C20orf96: variants seen among roughly 807,000 people sequenced by gnomAD.
C20orf96 encodes chromosome 20 open reading frame 96.
In C20orf96, 57 loss-of-function variants were observed where a neutral mutation model predicts 52.6. The ratio of observed to expected loss-of-function variants is 1.08; its 90% confidence interval spans 0.88 to 1.35. The LOEUF (loss-of-function observed/expected upper bound fraction) is 1.35, where lower values mean the gene tolerates loss of function less well. C20orf96 is among the 40% of genes most tolerant of loss of function. The probability of loss-of-function intolerance (pLI) is 0.00; values close to 1 mark genes in which losing one functional copy is unlikely to be tolerated. For synonymous variants in C20orf96, 168 were observed against 157.2 expected (o/e 1.07, Z -0.51); for missense variants, 478 against 443.6 (o/e 1.08, Z -0.70).
At chr20:277,652 C>A (rs766508128) in intron 6 of C20orf96, among the ~76,000 whole-genome samples, 14 of 152,178 alleles carry the variant, frequency 9.2e-5, no homozygotes, top group African/African-American at 3.4e-4. Flanking sequence ...ACTGACTTGC[C>A]GGGTGGCTCT....
At chr20:273,728 T>G (rs902332563) in intron 10 of C20orf96, among the ~76,000 whole-genome samples, 1 of 151,570 alleles carries the variant, frequency 6.6e-6, no homozygotes, top group African/African-American at 2.4e-5. Flanking sequence ...AACATAAAAA[T>G]TAGCCAGGCA....
intron 4 of C20orf96, among the ~76,000 whole-genome samples, chr20:282,671 G>A (rs758736227): frequency 6.6e-6 from 1 of 152,194 alleles, no homozygotes; most frequent in Non-Finnish European, 1.5e-5. Flanking sequence ...AGGAGTTGGA[G>A]ACCAGCCTGG....
intron 10 of C20orf96, among the ~76,000 whole-genome samples, chr20:271,885 G>A (rs2011852227): frequency 6.6e-6 from 1 of 152,140 alleles, no homozygotes; most frequent in Non-Finnish European, 1.5e-5. Flanking sequence ...AAGAGAGATG[G>A]ATTCCCATCA....
In C20orf96 at chr20:289,597, T is replaced by A; in HGVS notation, c.149A>T (p.His50Leu). 6.2e-7 allele frequency: 1 copy of A among 1,614,132 alleles called. No individual in the cohort carries two copies. The highest frequency in any genetic ancestry group is 1.1e-5 in the South Asian group (1 of 91,080). The change falls in exon 3 of 11, where the codon CAT becomes CTT. Residue 50 changes from histidine to leucine, a missense_variant. Physicochemically the swap from His to Leu is moderately conservative, Grantham distance 99. Transcript: ENST00000360321. ...LPPVQQANSLHTSKMKTLTRV... is the reference protein window; with the variant it reads ...LPPVQQANSLLTSKMKTLTRV... ...AGTCAAAGTCTTCATTTTGCTTGTA[T>A]GAAGGCTGTTGGCTTGTTGGACTGG...
Position 279,176 on chromosome 20 carries a change from A to G in C20orf96, c.461T>C (p.Leu154Pro), listed in dbSNP as rs760817006. ...VRALLQQQDT[L>P]ATIIDILEYS... ...GGCGGATGCCGCGGGTCTCACCGCC[A>G]GGGTGTCCTGCTGCTGCAGCAGGGC... The change falls in exon 5 of 11, where the codon CTG becomes CCG. Residue 154 changes from leucine to proline, a missense_variant. Coordinates refer to ENST00000360321, the MANE Select transcript of C20orf96 (RefSeq NM_153269.3). The G allele has an allele frequency of 1.3e-5, 21 of 1,591,560 alleles. No homozygotes were observed. In the East Asian group the frequency reaches 4.4e-4, roughly 33 times the overall value.
rs957773345 is a variant in C20orf96, at chr20:276,814, T to C, written c.891A>G (p.Lys297=). The C allele has an allele frequency of 3.1e-6, 5 of 1,613,336 alleles. No individual in the cohort carries two copies. In the South Asian group the frequency reaches 3.3e-5, roughly 11 times the overall value. ...QKMWESQDFL[K]CMQRFREIID... ...GCACTTCTCTGAACCTTTGCATGCA[T>C]TTCAGGAAGTCCTGGCTTTCCCACA... The change falls in exon 9 of 11, where the codon AAA becomes AAG. Residue 297 remains lysine, a synonymous_variant. Transcript: ENST00000360321.
At chr20:290,053 C>T (rs1159652230) in intron 2 of C20orf96, among the ~76,000 whole-genome samples, 6 of 152,194 alleles carry the variant, frequency 3.9e-5, no homozygotes, top group Admixed American at 1.3e-4. Flanking sequence ...GCATAATATA[C>T]CCTTACATTC....
In C20orf96 at chr20:290,474, C is replaced by CG. The variant is rs1392012074; in HGVS notation, c.20+116dup. The CG allele has an allele frequency of 3.7e-5, 55 of 1,476,472 alleles. 2 individuals carry two copies. In the South Asian group the frequency reaches 5.2e-4, roughly 14 times the overall value. 91.5% of individuals were successfully genotyped at this position (1,476,472 alleles called of 1,614,324 possible). A position where few individuals can be genotyped will look rare whatever the true frequency, so the allele number is the denominator to read the frequency against. ...CAAGGAGATGTGGGCGGGGAGAGGA[C>CG]GGGGGTCAGAAGACCGAGGGCGACC... On this transcript the variant is annotated intron_variant, in intron 1 of 10. Transcript: ENST00000360321.
At chr20:289,805 G>C in intron 2 of C20orf96, 129 bp from the exon 3 acceptor site, 1 of 691,040 alleles carries the variant, frequency 1.4e-6, no homozygotes. Context: ...CTGTAAAGTG[G>C]ATCTAATAAT....
At chr20:280,739 T>A (rs1175988248) in intron 4 of C20orf96, among the ~76,000 whole-genome samples, 2 of 152,234 alleles carry the variant, frequency 1.3e-5, no homozygotes, top group South Asian at 2.1e-4. Flanking sequence ...TTGGTTCAAA[T>A]CCCAGCTCAG....
chr20:286,180 C>A (rs1470699611), intron 3 of C20orf96, among the ~76,000 whole-genome samples: 2 of 151,992 alleles, frequency 1.3e-5, no homozygotes, highest in East Asian at 3.9e-4. Context: ...TAAATTAAAT[C>A]TTTTATTACA....
At chr20:281,691 G>C (rs955592957) in intron 4 of C20orf96, among the ~76,000 whole-genome samples, 3 of 152,152 alleles carry the variant, frequency 2.0e-5, no homozygotes, top group Non-Finnish European at 4.4e-5. Context: ...TATAAAAGTG[G>C]ACAGCAGTCG....
chr20:280,403 TAAC>T (rs71977771), intron 4 of C20orf96, among the ~76,000 whole-genome samples: 12,747 of 146,116 alleles, frequency 0.087, 1,115 homozygotes, highest in African/African-American at 0.18. Flanking sequence ...ACAGTAACAA[TAAC>T]AACAACAATT....
At chr20:274,555 C>T (rs1251122772) in intron 10 of C20orf96, among the ~76,000 whole-genome samples, 1 of 152,136 alleles carries the variant, frequency 6.6e-6, no homozygotes, top group Non-Finnish European at 1.5e-5. Flanking sequence ...TAACCTGGCC[C>T]ACATGCACCT....
At chr20:279,355 A>G (rs1358217746) in intron 4 of C20orf96, 25 bp from the exon 5 acceptor site, 3 of 1,596,094 alleles carry the variant, frequency 1.9e-6, no homozygotes, top group Non-Finnish European at 2.5e-6. Context: ...AAGAGCAGAG[A>G]GGCGGCGCTG....
chr20:283,864 T>A (rs530581941), intron 4 of C20orf96, 99 bp downstream of exon 4: 2 of 832,052 alleles, frequency 2.4e-6, no homozygotes, highest in East Asian at 4.9e-5. Flanking sequence ...AAGAAATGAG[T>A]CAAGTCTGGC....
In C20orf96 at chr20:290,702, A is replaced by G; in HGVS notation, c.-92T>C. 4 of 1,517,218 alleles carry G rather than the reference A, an allele frequency of 2.6e-6. No individual in the cohort carries two copies. Among genetic ancestry groups the G allele is most frequent in the Middle Eastern group, 1.7e-4 (1 of 5,738 alleles). The allele number at this position is 1,517,218 out of a possible 1,614,324, so 94.0% of individuals were successfully genotyped here. ...TTCCAACTTCCTTGTCTCAGTGTAG[A>G]TCGCGCGGTAACCCAGGCCACTCAG... is the stretch of plus-strand genomic sequence containing the variant. On this transcript the variant is annotated 5_prime_UTR_variant, in exon 1 of 11. Coordinates refer to ENST00000360321, the MANE Select transcript of C20orf96 (RefSeq NM_153269.3).
At chr20:279,786 A>AT (rs1158057858) in intron 4 of C20orf96, among the ~76,000 whole-genome samples, 1 of 152,096 alleles carries the variant, frequency 6.6e-6, no homozygotes, top group Non-Finnish European at 1.5e-5. Flanking sequence ...CCTGACCAAC[A>AT]TGGTGAAACC....
intron 6 of C20orf96, 63 bp from the exon 7 acceptor site, chr20:277,446 C>A: frequency 6.4e-7 from 1 of 1,570,092 alleles, no homozygotes; most frequent in South Asian, 1.1e-5. Flanking sequence ...AGCACCTGGG[C>A]CCCAGGAGGC....
Sources: gnomAD v4.1 joint callset for allele counts (sites outside exome capture counted in the v4.1 genomes callset) on GRCh38, gnomAD v4.1.1 for gene constraint, MANE v1.5 for transcripts, NCBI Gene and HGNC (gene_info 2026-07-23, HGNC 2026-07-21) for gene names.